The following APP variants were observed in gnomAD, a reference collection of about 807,000 sequenced individuals.
APP encodes amyloid-beta precursor protein.
APP carries 31 observed loss-of-function variants against 101.4 expected under a neutral mutation model. The observed-to-expected ratio is 0.31, with a 90% CI of 0.23 to 0.41. APP has a LOEUF of 0.41. Among genes scored for constraint, APP ranks in the 10% least tolerant of loss-of-function variants. The pLI, the probability that APP is intolerant of heterozygous loss-of-function variation, is 1.00. For synonymous variants in APP, 366 were observed against 364.4 expected (o/e 1.00, Z -0.05); for missense variants, 839 against 1,003.7 (o/e 0.84, Z 2.22).
chr21:25,975,043 T>A (rs767033055), intron 11 of APP, 27 bp downstream of exon 11: 1 of 1,613,240 alleles, frequency 6.2e-7, no homozygotes, highest in Non-Finnish European at 8.5e-7. Flanking sequence ...TGACCTGAAG[T>A]GTGAACTCGG....
intron 8 of APP, among the ~76,000 whole-genome samples, chr21:25,985,006 G>A (rs985723229): frequency 1.3e-5 from 2 of 152,012 alleles, no homozygotes; most frequent in East Asian, 1.9e-4. Context: ...TATGGTTTGC[G>A]AACACTGTCT....
chr21:25,901,854 C>A lies in APP; in HGVS notation c.1963+3170G>T, dbSNP rs2038512982. On this transcript the variant is annotated intron_variant, in intron 15 of 17. Transcript: ENST00000346798. ...GGCTCGGGTCAAGGACCTGGTTTCC[C>A]TTTATTTGGACTGCAGAAGGGTGGT... is the stretch of plus-strand genomic sequence containing the variant. 3.9e-5 allele frequency among the ~76,000 whole-genome samples: 6 copies of A among 152,274 alleles called. 1 individual carries two copies. In the South Asian group the frequency reaches 1.2e-3, roughly 32 times the overall value.
intron 2 of APP, among the ~76,000 whole-genome samples, chr21:26,104,901 A>C (rs2062145423): frequency 6.6e-6 from 1 of 152,178 alleles, no homozygotes; most frequent in Non-Finnish European, 1.5e-5. Context: ...GACTGTTAAC[A>C]GCCACCTCAG....
chr21:25,992,967 A>C (rs375835260), intron 8 of APP, among the ~76,000 whole-genome samples: 1 of 152,222 alleles, frequency 6.6e-6, no homozygotes, highest in Non-Finnish European at 1.5e-5. Flanking sequence ...ATTTGGCCAA[A>C]GATTAAATGG....
In APP at chr21:26,092,646, C is replaced by T. The variant is rs532861667; in HGVS notation, c.226-2574G>A. Among the ~76,000 whole-genome samples, 13 of 152,228 alleles carry T rather than the reference C, an allele frequency of 8.5e-5. No individual in the cohort carries two copies. In the South Asian group the frequency reaches 2.1e-3, roughly 24 times the overall value. ...TTGTCCAAACCCAAAAAATGTATAC[C>T]GCCAAGAGTGAACCCTCAGGGAAAC... is the stretch of plus-strand genomic sequence containing the variant. On this transcript the variant is annotated intron_variant, in intron 2 of 17. Transcript: ENST00000346798.
intron 1 of APP, among the ~76,000 whole-genome samples, chr21:26,161,384 T>A (rs2063489186): frequency 1.3e-5 from 2 of 152,322 alleles, no homozygotes; most frequent in South Asian, 4.1e-4. Context: ...ACAACACACA[T>A]CCTTCTACGT....
At position 25,955,660 on chromosome 21, in the gene APP, C is replaced by T; in HGVS notation, c.1554G>A (p.Val518=). 3 of 1,614,176 alleles carry T rather than the reference C, an allele frequency of 1.9e-6. No homozygotes were observed. The highest frequency in any genetic ancestry group is 2.5e-6 in the Non-Finnish European group (3 of 1,180,034). ...TLKHFEHVRM[V]DPKKAAQIRS... Reference sequence around the variant, plus strand: ...GGATCTGAGCGGCTTTCTTGGGATCCACCATGCGCACATGCTCGAAATGCT... The same window carrying T: ...GGATCTGAGCGGCTTTCTTGGGATCTACCATGCGCACATGCTCGAAATGCT... The change falls in exon 12 of 18, where the codon GTG becomes GTA. Residue 518 remains valine, a synonymous_variant. Coordinates refer to ENST00000346798, the MANE Select transcript of APP (RefSeq NM_000484.4).
intron 3 of APP, among the ~76,000 whole-genome samples, chr21:26,073,004 A>AAC (rs1289688345): frequency 6.6e-6 from 1 of 152,186 alleles, no homozygotes; most frequent in Non-Finnish European, 1.5e-5. Flanking sequence ...ATTGAGTCTG[A>AAC]ATTCTTGGTG....
intron 11 of APP, among the ~76,000 whole-genome samples, chr21:25,963,990 C>G (rs905155290): frequency 3.9e-5 from 6 of 152,190 alleles, no homozygotes; most frequent in Non-Finnish European, 5.9e-5. Flanking sequence ...AGTAGATTCT[C>G]ACACTCTCCC....
chr21:25,918,551 A>G (rs1198412051), intron 13 of APP, among the ~76,000 whole-genome samples: 3 of 151,982 alleles, frequency 2.0e-5, no homozygotes, highest in Non-Finnish European at 4.4e-5. Context: ...AAGCAGGGCG[A>G]GGCATTGCCT....
At position 25,946,491 on chromosome 21, in the gene APP, C is replaced by A. The variant is rs139177966; in HGVS notation, c.1687+8099G>T. On this transcript the variant is annotated intron_variant, in intron 13 of 17. Transcript: ENST00000346798. ...GACCAGCCTGGGAAACATGGTAAAA[C>A]CCTGTCTCTACTAAAAATACAAAAA... 1.7e-3 allele frequency among the ~76,000 whole-genome samples: 254 copies of A among 152,134 alleles called. 4 individuals are homozygous for A. The highest frequency in any genetic ancestry group is 0.015 in the Admixed American group (225 of 15,280).
intron 2 of APP, among the ~76,000 whole-genome samples, chr21:26,104,017 G>A (rs771890492): frequency 7.9e-5 from 12 of 152,070 alleles, no homozygotes; most frequent in Non-Finnish European, 1.5e-4. Flanking sequence ...CAGCATGACC[G>A]AGTTCTGGTG....
intron 1 of APP, among the ~76,000 whole-genome samples, chr21:26,141,373 A>G (rs950838273): frequency 1.3e-5 from 2 of 152,212 alleles, no homozygotes; most frequent in Admixed American, 6.5e-5. Flanking sequence ...TTATTATGAC[A>G]GAAAAGAAAG....
chr21:26,087,907 A>G (rs2061734834), intron 3 of APP, among the ~76,000 whole-genome samples: 1 of 152,240 alleles, frequency 6.6e-6, no homozygotes, highest in African/African-American at 2.4e-5. Context: ...TTATAATATT[A>G]TTATAAAATC....
intron 8 of APP, among the ~76,000 whole-genome samples, chr21:25,991,190 T>TA (rs1202419736): frequency 6.6e-6 from 1 of 151,586 alleles, no homozygotes; most frequent in Non-Finnish European, 1.5e-5. Flanking sequence ...AGGAGAGGGA[T>TA]AAAAAACTAC....
intron 3 of APP, among the ~76,000 whole-genome samples, chr21:26,057,129 C>CA (rs1312185678): frequency 6.6e-6 from 1 of 152,140 alleles, no homozygotes; most frequent in Non-Finnish European, 1.5e-5. Flanking sequence ...TTTTTAAAAA[C>CA]AAAGTTTATT....
chr21:26,002,719 G>C (rs1006763711), intron 6 of APP, among the ~76,000 whole-genome samples: 1 of 152,118 alleles, frequency 6.6e-6, no homozygotes, highest in Non-Finnish European at 1.5e-5. Flanking sequence ...GGGAGCATTG[G>C]CAACAAAATT....
At chr21:26,123,744 A>C (rs1013845942) in intron 1 of APP, among the ~76,000 whole-genome samples, 1 of 152,204 alleles carries the variant, frequency 6.6e-6, no homozygotes, top group African/African-American at 2.4e-5. Flanking sequence ...AAAGAACAGA[A>C]GACCAAGAGC....
At chr21:26,066,260 C>CTGAG (rs1198459294) in intron 3 of APP, among the ~76,000 whole-genome samples, 38 of 152,220 alleles carry the variant, frequency 2.5e-4, no homozygotes, top group African/African-American at 8.4e-4. Context: ...TAAGATAACC[C>CTGAG]ATTACAACTA....
Sources: allele counts gnomAD v4.1 joint callset (sites outside exome capture counted in the v4.1 genomes callset), GRCh38; gene constraint gnomAD v4.1.1; transcripts MANE v1.5; gene names NCBI Gene and HGNC (gene_info 2026-07-23, HGNC 2026-07-21).